Variants in MAPK4 observed in about 807,000 individuals in gnomAD.
MAPK4 encodes mitogen-activated protein kinase 4.
A neutral mutation model predicts 47.7 loss-of-function variants in MAPK4; 22 were observed. That is an observed-to-expected ratio of 0.46 (90% CI 0.33 to 0.66). The LOEUF is 0.66. Among genes scored for constraint, MAPK4 ranks in the 30% least tolerant of loss-of-function variants. The pLI is 0.02. For missense variants in MAPK4, 736 were observed against 831.7 expected (o/e 0.88, Z 1.42); for synonymous variants, 390 against 365.7 (o/e 1.07, Z -0.76).
In MAPK4 at chr18:50,641,766, A is replaced by G. The variant is rs2042943172; in HGVS notation, c.-870-21323A>G. The stretch of plus-strand genomic sequence containing the variant: ...TAGAAATAAACTAGATAATTATTAC[A>G]TAAGAATCAGGTTCAATGTTCTCAT... On this transcript the variant is annotated intron_variant, in intron 1 of 5. Coordinates refer to ENST00000400384, the MANE Select transcript of MAPK4 (RefSeq NM_002747.4). 2.6e-5 allele frequency among the ~76,000 whole-genome samples: 4 copies of G among 152,246 alleles called. No homozygotes were observed. The South Asian group carries it at 6.2e-4, about 24-fold the overall frequency.
At position 50,664,525 on chromosome 18, in the gene MAPK4, G is replaced by A. The variant is rs764881420; in HGVS notation, c.546+21G>A. ...ACAAGGTATGTCTGGCTGGAATGGC[G>A]GATACTGGTGGTCCACAGAATCCCC... is the stretch of plus-strand genomic sequence containing the variant. On this transcript the variant is annotated intron_variant, in intron 2 of 5. Transcript: ENST00000400384. The surrounding 1 kb of genome is among the most constrained non-coding windows in gnomAD (Gnocchi z 6.0). The A allele has an allele frequency of 4.6e-5, 72 of 1,556,510 alleles. No individual in the cohort carries two copies. Among genetic ancestry groups the A allele is most frequent in the South Asian group, 2.0e-4 (16 of 81,452 alleles).
chr18:50,621,523 C>T (rs545166865), intron 1 of MAPK4, among the ~76,000 whole-genome samples: 1 of 152,250 alleles, frequency 6.6e-6, no homozygotes, highest in East Asian at 1.9e-4. Context: ...CACAGAGAGC[C>T]ACAATCCGCC....
chr18:50,673,315 C>G (rs1166641408), intron 2 of MAPK4, among the ~76,000 whole-genome samples: 1 of 152,164 alleles, frequency 6.6e-6, no homozygotes, highest in Non-Finnish European at 1.5e-5. Flanking sequence ...GGATCAACAG[C>G]CCCCTCTTCG....
chr18:50,647,057 GC>G, intron 1 of MAPK4, among the ~76,000 whole-genome samples: 1 of 152,118 alleles, frequency 6.6e-6, no homozygotes, highest in East Asian at 1.9e-4. Context: ...GTTCCATGGG[GC>G]CCAGGACTGG....
chr18:50,593,814 C>G (rs2042458786), intron 1 of MAPK4, among the ~76,000 whole-genome samples: 1 of 152,150 alleles, frequency 6.6e-6, no homozygotes, highest in African/African-American at 2.4e-5. Context: ...CTACCTGAGT[C>G]AGGGTTCTCC....
chr18:50,722,171 C>T (rs1910972352), intron 4 of MAPK4, 72 bp downstream of exon 4: 3 of 1,488,008 alleles, frequency 2.0e-6, no homozygotes, highest in Non-Finnish European at 2.7e-6. Flanking sequence ...GGGTAGGGGG[C>T]AGGCAGGTCT....
intron 1 of MAPK4, among the ~76,000 whole-genome samples, chr18:50,575,259 G>T (rs989920937): frequency 6.6e-6 from 1 of 152,190 alleles, no homozygotes; most frequent in East Asian, 1.9e-4. Flanking sequence ...GCAGAGACTA[G>T]ACCCTCACAA....
Position 50,729,691 on chromosome 18 carries a change from G to C in MAPK4, c.1601G>C (p.Ser534Thr). Residue 534 changes from serine (S) to threonine (T), a missense_variant, in exon 6 of 6, where the codon AGC becomes ACC. Around this residue, in one of 3 missense-constraint regions of MAPK4, gnomAD observed 377 missense variants for 378.6 expected, o/e 1.00. Coordinates refer to ENST00000400384, the MANE Select transcript of MAPK4 (RefSeq NM_002747.4). ...GRPAPVDGGA[S>T]PQFDLDVFIS... ...CCGGCCCCGGTGGACGGCGGCGCCA[G>C]CCCCCAGTTCGACCTGGACGTGTTC... 1.3e-6 allele frequency: 2 copies of C among 1,552,030 alleles called. No individual in the cohort carries two copies. Among genetic ancestry groups the C allele is most frequent in the Non-Finnish European group, 1.7e-6 (2 of 1,148,374 alleles).
chr18:50,710,794 A>G (rs910121669), intron 2 of MAPK4, among the ~76,000 whole-genome samples: 1 of 148,728 alleles, frequency 6.7e-6, no homozygotes, highest in Non-Finnish European at 1.5e-5. Flanking sequence ...TAAATAAATA[A>G]ATAAATAAAT....
intron 4 of MAPK4, among the ~76,000 whole-genome samples, chr18:50,725,500 G>C (rs866156687): frequency 6.6e-6 from 1 of 152,194 alleles, no homozygotes; most frequent in Admixed American, 6.5e-5. Context: ...AAATATCCCA[G>C]CTTCCCTGCC....
rs2043007868 is a variant in MAPK4, at chr18:50,648,091, GA to G, written c.-870-14995del. 9.3e-5 allele frequency among the ~76,000 whole-genome samples: 13 copies of G among 140,534 alleles called. No homozygotes were observed. In the South Asian group the frequency reaches 3.0e-3, roughly 33 times the overall value. The allele number at this position is 140,534 out of a possible 152,430, so 92.2% of individuals were successfully genotyped here. A position where few individuals can be genotyped will look rare whatever the true frequency, so the allele number is the denominator to read the frequency against. On this transcript the variant is annotated intron_variant, in intron 1 of 5. Coordinates refer to ENST00000400384, the MANE Select transcript of MAPK4 (RefSeq NM_002747.4). Reference sequence around the variant, plus strand: ...CTTGGGATTCCCAGTATGATGGGAAGAAAGACCCAGAGAGAGAGAGAGAGAG... The same window carrying G: ...CTTGGGATTCCCAGTATGATGGGAAGAAGACCCAGAGAGAGAGAGAGAGAG...
intron 4 of MAPK4, 96 bp from the exon 5 acceptor site, chr18:50,725,866 C>T (rs144740605): frequency 3.0e-6 from 3 of 1,011,884 alleles, no homozygotes; most frequent in African/African-American, 3.2e-5. Flanking sequence ...TGCAGAAGCA[C>T]AGACACCAGC....
intron 2 of MAPK4, among the ~76,000 whole-genome samples, chr18:50,676,558 G>A (rs559088486): frequency 1.3e-5 from 2 of 152,268 alleles, no homozygotes; most frequent in East Asian, 3.9e-4. Flanking sequence ...TCATCCTAAA[G>A]TTAAAAAGTG....
At chr18:50,630,305 C>T (rs1247112381) in intron 1 of MAPK4, among the ~76,000 whole-genome samples, 1 of 152,192 alleles carries the variant, frequency 6.6e-6, no homozygotes, top group Non-Finnish European at 1.5e-5. Flanking sequence ...TCTCATGCCT[C>T]AGCTTCCTGA....
chr18:50,705,500 C>T (rs1436570591), intron 2 of MAPK4: 2 of 152,248 alleles, frequency 1.3e-5, no homozygotes, highest in Non-Finnish European at 2.9e-5. Flanking sequence ...ACAGGGTTCT[C>T]AGGAGGTGAG....
At chr18:50,712,732 G>A (rs1307999879) in intron 2 of MAPK4, among the ~76,000 whole-genome samples, 1 of 152,130 alleles carries the variant, frequency 6.6e-6, no homozygotes, top group Admixed American at 6.5e-5. Context: ...AGAGGCAGAT[G>A]TCAATTCCAG....
chr18:50,646,820 G>A (rs762118159), intron 1 of MAPK4, among the ~76,000 whole-genome samples: 11 of 152,032 alleles, frequency 7.2e-5, no homozygotes, highest in Admixed American at 7.2e-4. Context: ...CAGACTTCTC[G>A]AGGTCATGGT....
rs550762473 is a variant in MAPK4, at chr18:50,587,877, C to T, written c.-871+27634C>T. 1.3e-3 allele frequency among the ~76,000 whole-genome samples: 199 copies of T among 152,070 alleles called. 2 individuals carry two copies. Among genetic ancestry groups the T allele is most frequent in the East Asian group, 7.7e-4 (4 of 5,162 alleles). On this transcript the variant is annotated intron_variant, in intron 1 of 5. Transcript: ENST00000400384. ...CCAAGTAGCTGGGATTACAGGCGCC[C>T]ACCACCACGCCCAGCTCATTTTTAT... is the stretch of plus-strand genomic sequence containing the variant.
At chr18:50,569,166 T>C (rs2042228276) in intron 1 of MAPK4, among the ~76,000 whole-genome samples, 1 of 152,200 alleles carries the variant, frequency 6.6e-6, no homozygotes, top group South Asian at 2.1e-4. Flanking sequence ...TTTGAAAAAA[T>C]ATATGTAAGA....
Sources: allele counts gnomAD v4.1 joint callset (sites outside exome capture counted in the v4.1 genomes callset), GRCh38; gene constraint gnomAD v4.1.1; regional missense constraint gnomAD v4.1.1; non-coding constraint Gnocchi (gnomAD v3.1); transcripts MANE v1.5; gene names NCBI Gene and HGNC (gene_info 2026-07-23, HGNC 2026-07-21).